Variants in DNER observed in about 807,000 individuals in gnomAD.
The protein encoded by DNER is delta/notch like EGF repeat containing.
Under a neutral mutation model 78.2 loss-of-function variants are expected in DNER, and 33 were observed. The ratio of observed to expected loss-of-function variants is 0.42; its 90% CI spans 0.32 to 0.56. The LOEUF is 0.56. Among genes scored for constraint, DNER ranks in the 20% least tolerant of loss-of-function variants. DNER has a pLI of 0.11. For synonymous variants in DNER, 417 were observed against 384.8 expected, an observed-to-expected ratio of 1.08 and a Z score of -0.98; for missense variants, 918 against 975.3, an observed-to-expected ratio of 0.94 and a Z score of 0.78.
At chr2:229,584,697 G>T (rs1211676984) in intron 4 of DNER, among the ~76,000 whole-genome samples, 1 of 152,046 alleles carries the variant, frequency 6.6e-6, no homozygotes, top group Non-Finnish European at 1.5e-5. Context: ...TTGGGAGGCC[G>T]AGGCGGGTGG....
chr2:229,385,217 T>TA (rs1469255611), intron 11 of DNER, among the ~76,000 whole-genome samples: 2 of 151,184 alleles, frequency 1.3e-5, no homozygotes, highest in African/African-American at 4.9e-5. Context: ...CAACCAATGA[T>TA]AAAAACCACG....
chr2:229,675,939 C>T (rs949203879), intron 1 of DNER, among the ~76,000 whole-genome samples: 7 of 152,096 alleles, frequency 4.6e-5, no homozygotes, highest in Non-Finnish European at 8.8e-5. Context: ...ACTGGTGCAT[C>T]GGGGACATCT....
chr2:229,397,016 C>T (rs530197148), intron 10 of DNER, among the ~76,000 whole-genome samples: 77 of 152,050 alleles, frequency 5.1e-4, no homozygotes, highest in Non-Finnish European at 9.6e-4. Context: ...ACCTGCCCAC[C>T]GTGGAACAAA....
At chr2:229,544,855 G>C (rs1696589376) in intron 5 of DNER, among the ~76,000 whole-genome samples, 1 of 152,128 alleles carries the variant, frequency 6.6e-6, no homozygotes, top group Non-Finnish European at 1.5e-5. Flanking sequence ...TATTTAAGCA[G>C]CTGCAATATT....
chr2:229,693,883 C>T (rs919015869), intron 1 of DNER, among the ~76,000 whole-genome samples: 1 of 152,148 alleles, frequency 6.6e-6, no homozygotes, highest in Non-Finnish European at 1.5e-5. Flanking sequence ...TAACAAAGAG[C>T]CAAATGTTAA....
At chr2:229,485,635 G>A (rs1006426097) in intron 6 of DNER, among the ~76,000 whole-genome samples, 2 of 152,008 alleles carry the variant, frequency 1.3e-5, no homozygotes, top group African/African-American at 4.8e-5. Context: ...CCCTTCAAAT[G>A]AAGAAAACCT....
At chr2:229,638,967 T>C (rs1024996494) in intron 1 of DNER, among the ~76,000 whole-genome samples, 4 of 152,206 alleles carry the variant, frequency 2.6e-5, no homozygotes, top group African/African-American at 9.6e-5. Context: ...GGTTTCTCAA[T>C]GTCTATGACC....
chr2:229,387,507 G>GAAAGAAAGAAAGAA (rs1559337849), intron 11 of DNER, among the ~76,000 whole-genome samples: 7 of 96,442 alleles, frequency 7.3e-5, no homozygotes, highest in African/African-American at 2.6e-4. Context: ...AAGAAAGAAA[G>GAAAGAAAGAAAGAA]AGAGAAAGAA....
intron 1 of DNER, among the ~76,000 whole-genome samples, chr2:229,630,371 G>C (rs149336108): frequency 0.026 from 3,952 of 151,910 alleles, 76 homozygotes; most frequent in Non-Finnish European, 0.036. Flanking sequence ...AGCTACTCAG[G>C]AGGCTGAGGC....
intron 4 of DNER, among the ~76,000 whole-genome samples, chr2:229,584,280 C>T (rs182718783): frequency 6.6e-6 from 1 of 152,124 alleles, no homozygotes; most frequent in African/African-American, 2.4e-5. Flanking sequence ...ATGCCTACCC[C>T]ATCCTCCAGG....
chr2:229,520,541 T>C (rs1365549382), intron 5 of DNER, among the ~76,000 whole-genome samples: 1 of 152,266 alleles, frequency 6.6e-6, no homozygotes, highest in Non-Finnish European at 1.5e-5. Flanking sequence ...TGGTTGAAAC[T>C]AGGTGACACA....
At chr2:229,529,865 G>C (rs915717710) in intron 5 of DNER, among the ~76,000 whole-genome samples, 4 of 152,028 alleles carry the variant, frequency 2.6e-5, no homozygotes, top group African/African-American at 9.7e-5. Flanking sequence ...AAATTAGCTG[G>C]GCATAAGTTG....
intron 11 of DNER, among the ~76,000 whole-genome samples, chr2:229,386,048 T>A (rs1692855823): frequency 6.6e-6 from 1 of 152,184 alleles, no homozygotes; most frequent in Admixed American, 6.5e-5. Context: ...GCTGGAGGCA[T>A]CATGTTACCT....
intron 6 of DNER, among the ~76,000 whole-genome samples, chr2:229,492,590 A>G (rs1695424541): frequency 6.6e-6 from 1 of 152,218 alleles, no homozygotes; most frequent in East Asian, 1.9e-4. Context: ...AGCCTTATGG[A>G]GTCAATATTG....
intron 1 of DNER, among the ~76,000 whole-genome samples, chr2:229,678,682 C>T (rs1699337255): frequency 6.6e-6 from 1 of 152,162 alleles, no homozygotes; most frequent in African/African-American, 2.4e-5. Context: ...TAATTCACAC[C>T]TTAGCACCAC....
intron 1 of DNER, among the ~76,000 whole-genome samples, chr2:229,688,848 A>T (rs1699525764): frequency 6.6e-6 from 1 of 152,226 alleles, no homozygotes; most frequent in South Asian, 2.1e-4. Flanking sequence ...TTACAGGGAC[A>T]TGGAGCTGGA....
intron 4 of DNER, among the ~76,000 whole-genome samples, chr2:229,566,948 T>C (rs1394917315): frequency 3.3e-5 from 5 of 152,202 alleles, no homozygotes; most frequent in Non-Finnish European, 5.9e-5. Context: ...GATCCCATCA[T>C]GGCCTCCACA....
intron 5 of DNER, among the ~76,000 whole-genome samples, chr2:229,526,332 T>C (rs10210785): frequency 0.26 from 39,516 of 152,100 alleles, 6,180 homozygotes; most frequent in South Asian, 0.39. Flanking sequence ...GGTTAACGTA[T>C]CATATTTTAA....
At chr2:229,535,713 G>A (rs1007913370) in intron 5 of DNER, among the ~76,000 whole-genome samples, 2 of 151,786 alleles carry the variant, frequency 1.3e-5, no homozygotes, top group Admixed American at 6.6e-5. Context: ...GCATGATCTC[G>A]GCTCACTGTA....
Sources: allele counts gnomAD v4.1 joint callset (sites outside exome capture counted in the v4.1 genomes callset), GRCh38; gene constraint gnomAD v4.1.1; transcripts MANE v1.5; gene names NCBI Gene and HGNC (gene_info 2026-07-23, HGNC 2026-07-21).